The following CCZ1 variants were observed in gnomAD, a reference collection of about 807,000 sequenced individuals.
The protein encoded by CCZ1 is CCZ1 vacuolar protein trafficking and biogenesis associated.
Under a neutral mutation model 57.8 loss-of-function variants are expected in CCZ1, and 19 were observed. That is an observed-to-expected ratio of 0.33 (90% CI 0.23 to 0.48). CCZ1 has a LOEUF of 0.48. Among genes scored for constraint, CCZ1 ranks in the 20% least tolerant of loss-of-function variants. CCZ1 has a pLI of 0.99. For missense variants in CCZ1, 200 were observed against 492.0 expected (o/e 0.41, Z 5.61); for synonymous variants, 81 against 167.0 (o/e 0.49, Z 3.97).
At position 5,905,859 on chromosome 7, in the gene CCZ1, GTT is replaced by G. The variant is rs202147219; in HGVS notation, c.698+602_698+603del. On this transcript the variant is annotated intron_variant, in intron 7 of 14. Transcript: ENST00000325974. ...TTAGGAATCCTGTTTTTATTTTGGA[GTT>G]TTTTTTTTTTTCTGAAATGATAAAA... 6.7e-3 allele frequency among the ~76,000 whole-genome samples: 606 copies of G among 90,168 alleles called. 6 individuals carry two copies. Among genetic ancestry groups the G allele is most frequent in the African/African-American group, 0.025 (560 of 22,590 alleles). The allele number at this position is 90,168 out of a possible 152,430, so 59.2% of individuals were successfully genotyped here.
At position 5,910,090 on chromosome 7, in the gene CCZ1, C is replaced by T. The variant is rs1306775108; in HGVS notation, c.754C>T (p.Leu252Phe). Residue 252 changes from leucine to phenylalanine, a missense_variant, in exon 8 of 15, where the codon CTT becomes TTT. Leu to Phe is a conservative substitution (Grantham distance 22). This residue lies in a region of CCZ1 where 128 missense variants were observed against 178.4 expected (regional missense o/e 0.72). Coordinates refer to ENST00000325974, the MANE Select transcript of CCZ1 (RefSeq NM_015622.6). The stretch of plus-strand genomic sequence containing the variant: ...TTTATACAAATACCTTACCACCTCC[C>T]TTTTTCCAAGGCACATCGAACCTGA... ...RILYKYLTTSLFPRHIEPELA... is the reference protein window; with the variant it reads ...RILYKYLTTSFFPRHIEPELA... 6.4e-7 allele frequency: 1 copy of T among 1,570,452 alleles called. No individual in the cohort carries two copies. Among genetic ancestry groups the T allele is most frequent in the Non-Finnish European group, 8.7e-7 (1 of 1,147,038 alleles).
intron 1 of CCZ1, among the ~76,000 whole-genome samples, chr7:5,899,334 G>GGGGTGTGTGTGTGTGT (rs1781626415): frequency 8.0e-5 from 1 of 12,558 alleles, no homozygotes; most frequent in Admixed American, 1.2e-3. Flanking sequence ...TCGGGAGGGG[G>GGGGTGTGTGTGTGTGT]GTGTGTGTGT....
Position 5,924,218 on chromosome 7 carries a change from A to G in CCZ1, c.1393+256A>G, listed in dbSNP as rs893036212. Among the ~76,000 whole-genome samples the G allele has an allele frequency of 2.9e-5, 2 of 68,420 alleles. 1 individual carries two copies. The highest frequency in any genetic ancestry group is 3.6e-4 in the Admixed American group (2 of 5,586). 44.9% of individuals were successfully genotyped at this position (68,420 alleles called of 152,430 possible). On this transcript the variant is annotated intron_variant, in intron 14 of 14. Transcript: ENST00000325974. ...AAAAAAAAAAAAAAAATGACTTTATATTAAGAAATGTCCCCCTTTTTTTGG... is the reference window on the plus strand; with the variant it reads ...AAAAAAAAAAAAAAAATGACTTTATGTTAAGAAATGTCCCCCTTTTTTTGG...
At position 5,900,495 on chromosome 7, in the gene CCZ1, G is replaced by A; in HGVS notation, c.241G>A (p.Ala81Thr). ...TAGGACATTTAGCCCATCAAAACCTGCAAAATCTTTACATACACAGAAGAA... is the reference window on the plus strand; with the variant it reads ...TAGGACATTTAGCCCATCAAAACCTACAAAATCTTTACATACACAGAAGAA... ...FTRTFSPSKPAKSLHTQKNRQ... is the reference protein window; with the variant it reads ...FTRTFSPSKPTKSLHTQKNRQ... Residue 81 changes from alanine (A) to threonine (T), a missense_variant, in exon 3 of 15, where the codon GCA (alanine) becomes ACA (threonine). Physicochemically the swap from Ala to Thr is moderately conservative, Grantham distance 58. Transcript: ENST00000325974. 3 of 1,599,114 alleles carry A rather than the reference G, an allele frequency of 1.9e-6. No homozygotes were observed. The highest frequency in any genetic ancestry group is 1.7e-6 in the Non-Finnish European group (2 of 1,177,238).
intron 7 of CCZ1, among the ~76,000 whole-genome samples, chr7:5,905,861 T>G (rs1781803111): frequency 4.8e-5 from 1 of 20,634 alleles, no homozygotes; most frequent in Non-Finnish European, 9.7e-5. Context: ...ATTTTGGAGT[T>G]TTTTTTTTTT....
intron 6 of CCZ1, among the ~76,000 whole-genome samples, chr7:5,904,583 A>T (rs1482662739): frequency 6.8e-6 from 1 of 146,572 alleles, no homozygotes; most frequent in East Asian, 2.3e-4. Flanking sequence ...CTCTAATCCC[A>T]GCACTTTGGG....
intron 4 of CCZ1, 89 bp from the exon 5 acceptor site, chr7:5,901,568 G>C: frequency 6.7e-7 from 1 of 1,500,718 alleles, no homozygotes; most frequent in Non-Finnish European, 8.9e-7. Context: ...TATACTGTTT[G>C]GCCAAGAGTT....
intron 10 of CCZ1, among the ~76,000 whole-genome samples, chr7:5,916,741 T>TA (rs1287190343): frequency 1.4e-5 from 2 of 145,958 alleles, no homozygotes; most frequent in African/African-American, 5.4e-5. Flanking sequence ...TGGCCAGCCT[T>TA]AGTCTCCAGC....
intron 7 of CCZ1, among the ~76,000 whole-genome samples, chr7:5,907,897 G>C (rs1323251447): frequency 3.2e-5 from 4 of 124,840 alleles, no homozygotes; most frequent in Non-Finnish European, 6.5e-5. Flanking sequence ...AGGAGTTCAA[G>C]ACCAGCCTGG....
rs147891550 is a variant in CCZ1 at position 5,909,697 on chromosome 7, CA to C, written c.699-327del. On this transcript the variant is annotated intron_variant, in intron 7 of 14. Coordinates refer to ENST00000325974, the MANE Select transcript of CCZ1 (RefSeq NM_015622.6). ...TGGGTGACAGAGCAAGACCTTGTCT[CA>C]AAAAAAAAAAGAAAAAAAAATTTTT... Among the ~76,000 whole-genome samples, 104 of 128,288 alleles carry C rather than the reference CA, an allele frequency of 8.1e-4. 2 individuals carry two copies. Among genetic ancestry groups the C allele is most frequent in the Admixed American group, 1.0e-3 (13 of 12,564 alleles). 84.2% of individuals were successfully genotyped at this position (128,288 alleles called of 152,430 possible). A position where few individuals can be genotyped will look rare whatever the true frequency, so the allele number is the denominator to read the frequency against.
In CCZ1 at chr7:5,905,218, G is replaced by T. The variant is rs1191939805; in HGVS notation, c.647G>T (p.Ser216Ile). 1 of 1,561,760 alleles carries T rather than the reference G, an allele frequency of 6.4e-7. No individual in the cohort carries two copies. Among genetic ancestry groups the T allele is most frequent in the South Asian group, 1.2e-5 (1 of 85,830 alleles). The change falls in exon 7 of 15, where the codon AGC becomes ATC. Residue 216 changes from serine to isoleucine, a missense_variant. Around this residue, in one of 5 missense-constraint regions of CCZ1, gnomAD observed 128 missense variants for 178.4 expected, o/e 0.72. Transcript: ENST00000325974. ...IQSFINRMEE[S>I]LNIVKYTAFL... ...TCCTTTATTAATAGAATGGAGGAAA[G>T]CCTGAATATAGTCAAATACACTGCT...
intron 1 of CCZ1, among the ~76,000 whole-genome samples, chr7:5,900,025 CTGT>C (rs1333189233): frequency 7.0e-6 from 1 of 142,824 alleles, no homozygotes; most frequent in African/African-American, 2.6e-5. Flanking sequence ...GAGATCATTC[CTGT>C]TCTTCTTCTT....
chr7:5,906,180 T>C (rs1279226063), intron 7 of CCZ1, among the ~76,000 whole-genome samples: 1 of 148,252 alleles, frequency 6.7e-6, no homozygotes, highest in Non-Finnish European at 1.5e-5. Flanking sequence ...CTGCCCAGCA[T>C]ATGTGACCCC....
At chr7:5,899,334 G>GGT (rs869199583) in intron 1 of CCZ1, among the ~76,000 whole-genome samples, 160 of 12,552 alleles carry the variant, frequency 0.013, 3 homozygotes, top group Admixed American at 0.028. Flanking sequence ...TCGGGAGGGG[G>GGT]GTGTGTGTGT....
At chr7:5,915,918 C>CTGT (rs2128613832) in intron 10 of CCZ1, among the ~76,000 whole-genome samples, 1 of 72,490 alleles carries the variant, frequency 1.4e-5, no homozygotes, top group South Asian at 5.2e-4. Flanking sequence ...TGGCTCACAC[C>CTGT]TGTAATCCCA....
chr7:5,923,669 A>AC, intron 13 of CCZ1, 124 bp downstream of exon 13: 1 of 474,818 alleles, frequency 2.1e-6, no homozygotes. Flanking sequence ...CCGCTTCCAA[A>AC]CAGACCCGGG....
In CCZ1 at chr7:5,905,284, A is replaced by AG. The variant is rs1279796234; in HGVS notation, c.698+17dup. 2 of 1,386,488 alleles carry AG rather than the reference A, an allele frequency of 1.4e-6. No individual in the cohort carries two copies. Among genetic ancestry groups the AG allele is most frequent in the Non-Finnish European group, 1.9e-6 (2 of 1,027,654 alleles). 85.9% of individuals were successfully genotyped at this position (1,386,488 alleles called of 1,614,324 possible). ...CAGCTCATCTGGTAGGTACACCCCG[A>AG]GGCATGGTATTAAAAGAAGAAATTA... On this transcript the variant is annotated intron_variant, in intron 7 of 14. Transcript: ENST00000325974.
Position 5,909,075 on chromosome 7 carries a change from G to A in CCZ1, c.699-960G>A, listed in dbSNP as rs1430501310. Among the ~76,000 whole-genome samples the A allele has an allele frequency of 2.1e-5, 3 of 143,392 alleles. No individual in the cohort carries two copies. In the Admixed American group the frequency reaches 2.1e-4, roughly 10 times the overall value. 94.1% of individuals were successfully genotyped at this position (143,392 alleles called of 152,430 possible). The stretch of plus-strand genomic sequence containing the variant: ...GAGGTTTCCTGCATAATCCTACACG[G>A]AATTCAACCAGCGAGTCCAATCCCT... On this transcript the variant is annotated intron_variant, in intron 7 of 14. Coordinates refer to ENST00000325974, the MANE Select transcript of CCZ1 (RefSeq NM_015622.6).
chr7:5,907,680 A>T (rs1781865689), intron 7 of CCZ1, among the ~76,000 whole-genome samples: 1 of 145,846 alleles, frequency 6.9e-6, no homozygotes, highest in African/African-American at 2.6e-5. Flanking sequence ...TGGCATCGTC[A>T]TCTTGGAATA....
Sources: allele counts gnomAD v4.1 joint callset (sites outside exome capture counted in the v4.1 genomes callset), GRCh38; gene constraint gnomAD v4.1.1; regional missense constraint gnomAD v4.1.1; transcripts MANE v1.5; gene names NCBI Gene and HGNC (gene_info 2026-07-23, HGNC 2026-07-21).